Variants in YWHAE observed in about 807,000 individuals in gnomAD.
YWHAE encodes 14-3-3 protein epsilon.
A neutral mutation model predicts 30.1 loss-of-function variants in YWHAE; 4 were observed. The observed-to-expected ratio is 0.13, with a 90% confidence interval of 0.07 to 0.30. YWHAE has a LOEUF of 0.30. Among genes scored for constraint, YWHAE ranks in the 10% least tolerant of loss-of-function variants. The pLI is 1.00. For missense variants in YWHAE, 121 were observed against 315.9 expected (o/e 0.38, Z 4.68); for synonymous variants, 118 against 111.8 (o/e 1.06, Z -0.35).
intron 1 of YWHAE, among the ~76,000 whole-genome samples, chr17:1,395,703 ACTACTAC>A (rs2073459619): frequency 6.6e-6 from 1 of 152,104 alleles, no homozygotes; most frequent in African/African-American, 2.4e-5. Context: ...ACGTTAATTT[ACTACTAC>A]CTATTTTTTT....
intron 4 of YWHAE, among the ~76,000 whole-genome samples, chr17:1,359,062 GA>G (rs1042203089): frequency 6.6e-6 from 1 of 151,870 alleles, no homozygotes; most frequent in Non-Finnish European, 1.5e-5. Context: ...CTTGAACCTG[GA>G]AGGCAGAGGT....
At chr17:1,371,316 C>T (rs2073039481) in intron 1 of YWHAE, among the ~76,000 whole-genome samples, 1 of 152,072 alleles carries the variant, frequency 6.6e-6, no homozygotes, top group Non-Finnish European at 1.5e-5. Context: ...AACTCTTGTG[C>T]TCATGTGACC....
Position 1,354,205 on chromosome 17 carries a change from G to T in YWHAE, c.715+6C>A, listed in dbSNP as rs745705945. 1.1e-5 allele frequency: 17 copies of T among 1,612,204 alleles called. No homozygotes were observed. In the East Asian group the frequency reaches 3.6e-4, roughly 34 times the overall value. On this transcript the variant is annotated splice_donor_region_variant and intron_variant, in intron 5 of 5. Transcript: ENST00000264335. ...GAGGTGCCTGTTTCACTCCGTGCTT[G>T]CTTACCGTCACCCTGCATGTCTGAA...
Position 1,357,830 on chromosome 17 carries a change from A to G in YWHAE, c.578+3262T>C, listed in dbSNP as rs184441798. On this transcript the variant is annotated intron_variant, in intron 4 of 5. Coordinates refer to ENST00000264335, the MANE Select transcript of YWHAE (RefSeq NM_006761.5). ...TAATCCCAGCTACCTGGGAGGCTGA[A>G]GCAGGAGAATCGCTTGAAACCGGGA... Among the ~76,000 whole-genome samples, 219 of 151,068 alleles carry G rather than the reference A, an allele frequency of 1.4e-3. 1 individual carries two copies. The highest frequency in any genetic ancestry group is 4.9e-3 in the African/African-American group (203 of 41,102).
intron 1 of YWHAE, among the ~76,000 whole-genome samples, chr17:1,383,536 G>A (rs541319670): frequency 2.7e-5 from 4 of 148,790 alleles, no homozygotes; most frequent in East Asian, 4.2e-4. Context: ...TTACAGGCAC[G>A]TGCCACCACG....
intron 2 of YWHAE, among the ~76,000 whole-genome samples, chr17:1,363,369 G>A (rs185018513): frequency 3.2e-4 from 48 of 152,216 alleles, no homozygotes; most frequent in African/African-American, 1.1e-3. Flanking sequence ...GGGTTCAAGC[G>A]ATTCTCCTGT....
chr17:1,348,076 A>C, intron 5 of YWHAE: 4 of 804,610 alleles, frequency 5.0e-6, no homozygotes, highest in African/African-American at 1.9e-5. Context: ...AAATAAACCA[A>C]CAGAGCAGGA....
intron 1 of YWHAE, among the ~76,000 whole-genome samples, chr17:1,374,476 T>C (rs2073094543): frequency 6.6e-6 from 1 of 152,210 alleles, no homozygotes; most frequent in Admixed American, 6.5e-5. Context: ...AACTTCAGGA[T>C]CACATGGTAA....
At chr17:1,363,102 A>ACT (rs1397605428) in intron 2 of YWHAE, among the ~76,000 whole-genome samples, 1 of 151,820 alleles carries the variant, frequency 6.6e-6, no homozygotes, top group African/African-American at 2.4e-5. Context: ...TTTGCTCTCT[A>ACT]CTCCTAGACT....
intron 4 of YWHAE, among the ~76,000 whole-genome samples, chr17:1,359,850 G>T (rs2072827692): frequency 8.6e-6 from 1 of 116,408 alleles, no homozygotes; most frequent in East Asian, 2.5e-4. Context: ...GTGTGTGTGT[G>T]TGTGTAAAAG....
intron 1 of YWHAE, among the ~76,000 whole-genome samples, chr17:1,384,834 A>AG (rs1199393820): frequency 2.0e-5 from 3 of 151,890 alleles, no homozygotes; most frequent in African/African-American, 4.8e-5. Flanking sequence ...GCCTCCTGGG[A>AG]GTAGCTGGGA....
intron 1 of YWHAE, among the ~76,000 whole-genome samples, chr17:1,387,924 CTTTTTTTTT>C (rs35930155): frequency 2.2e-4 from 17 of 75,714 alleles, no homozygotes; most frequent in Middle Eastern, 0.01. Context: ...CTGCACCTGG[CTTTTTTTTT>C]TTTTTTTTTT....
chr17:1,386,556 TTTGA>T (rs1227609548), intron 1 of YWHAE, among the ~76,000 whole-genome samples: 7 of 152,254 alleles, frequency 4.6e-5, no homozygotes, highest in Non-Finnish European at 1.0e-4. Flanking sequence ...ACTTTAATAC[TTTGA>T]TTAAGGCTTT....
rs763684389 is a variant in YWHAE at position 1,354,365 on chromosome 17, G to T, written c.579-18C>A. The T allele has an allele frequency of 3.1e-6, 5 of 1,605,324 alleles. No homozygotes were observed. The highest frequency in any genetic ancestry group is 1.7e-4 in the Middle Eastern group (1 of 6,010). On this transcript the variant is annotated intron_variant, in intron 4 of 5. Transcript: ENST00000264335. ...TTGCCAACCTAAAGGTATTTCAATA[G>T]AAGTGTTATAAAAATTAAGTCCAAA...
At position 1,345,748 on chromosome 17, in the gene YWHAE, C is replaced by T. The variant is rs576461253; in HGVS notation, c.716-249G>A. 1.6e-4 allele frequency among the ~76,000 whole-genome samples: 24 copies of T among 152,250 alleles called. No individual in the cohort carries two copies. The East Asian group carries it at 2.7e-3, about 17-fold the overall frequency. On this transcript the variant is annotated intron_variant, in intron 5 of 5. Transcript: ENST00000264335. ...TGCGCAGTACAACTCAATGTTTTTACGCTAAATAAGCTCTTGACGTAGACA... is the reference window on the plus strand; with the variant it reads ...TGCGCAGTACAACTCAATGTTTTTATGCTAAATAAGCTCTTGACGTAGACA...
intron 4 of YWHAE, among the ~76,000 whole-genome samples, chr17:1,354,890 C>T (rs1163749202): frequency 2.0e-5 from 3 of 149,472 alleles, no homozygotes; most frequent in Non-Finnish European, 4.4e-5. Context: ...TCTCGATCTC[C>T]TGACCTCGTG....
At chr17:1,345,989 TG>T (rs974816054) in intron 5 of YWHAE, among the ~76,000 whole-genome samples, 1 of 152,180 alleles carries the variant, frequency 6.6e-6, no homozygotes, top group African/African-American at 2.4e-5. Context: ...TATTTTATTG[TG>T]GGGTTCTGCT....
At position 1,374,846 on chromosome 17, in the gene YWHAE, C is replaced by A. The variant is rs958958920; in HGVS notation, c.65-9788G>T. ...CACTGACTCCTCTTAATTCCCCCAACCCCCTCTGCATCCCTTAAGGTAGCA... is the reference window on the plus strand; with the variant it reads ...CACTGACTCCTCTTAATTCCCCCAAACCCCTCTGCATCCCTTAAGGTAGCA... On this transcript the variant is annotated intron_variant, in intron 1 of 5. Coordinates refer to ENST00000264335, the MANE Select transcript of YWHAE (RefSeq NM_006761.5). Among the ~76,000 whole-genome samples, 10 of 152,254 alleles carry A rather than the reference C, an allele frequency of 6.6e-5. No homozygotes were observed. The South Asian group carries it at 1.7e-3, about 25-fold the overall frequency.
At position 1,354,964 on chromosome 17, in the gene YWHAE, G is replaced by GTTTT. The variant is rs56351171; in HGVS notation, c.579-621_579-618dup. On this transcript the variant is annotated intron_variant, in intron 4 of 5. Transcript: ENST00000264335. Reference sequence around the variant, plus strand: ...GGCGTGAGCCACCGCGCCCAGCCTAGTTTTTTTTTTTTTTTTTTTTTTTTT... The same window carrying GTTTT: ...GGCGTGAGCCACCGCGCCCAGCCTAGTTTTTTTTTTTTTTTTTTTTTTTTTTTTT... 6.1e-3 allele frequency among the ~76,000 whole-genome samples: 452 copies of GTTTT among 74,678 alleles called. 18 individuals are homozygous for GTTTT. The highest frequency in any genetic ancestry group is 9.5e-3 in the Non-Finnish European group (346 of 36,530). 49.0% of individuals were successfully genotyped at this position (74,678 alleles called of 152,430 possible).
Sources: gnomAD v4.1 joint callset for allele counts (sites outside exome capture counted in the v4.1 genomes callset) on GRCh38, gnomAD v4.1.1 for gene constraint, MANE v1.5 for transcripts, NCBI Gene and HGNC (gene_info 2026-07-23, HGNC 2026-07-21) for gene names.